The following SNX25 variants were observed in gnomAD, a reference collection of about 807,000 sequenced individuals.
SNX25 encodes the protein sorting nexin-25.
In SNX25, 62 loss-of-function variants were observed where a neutral mutation model predicts 113.7. That is an observed-to-expected ratio of 0.55 (90% CI 0.44 to 0.67). The LOEUF is 0.67. Among genes scored for constraint, SNX25 ranks in the 30% least tolerant of loss-of-function variants. SNX25 has a pLI of 0.00. For synonymous variants in SNX25, 421 were observed against 436.2 expected (o/e 0.97, Z 0.43); for missense variants, 1,014 against 1,161.0 (o/e 0.87, Z 1.84).
intron 6 of SNX25, among the ~76,000 whole-genome samples, chr4:185,300,318 C>T (rs944775703): frequency 1.3e-5 from 2 of 151,704 alleles, no homozygotes; most frequent in Admixed American, 1.3e-4. Context: ...GCCCCCACAC[C>T]CAGCTATTTT....
intron 1 of SNX25, among the ~76,000 whole-genome samples, chr4:185,245,563 T>C (rs181350584): frequency 7.1e-4 from 108 of 152,170 alleles, no homozygotes; most frequent in Admixed American, 2.9e-3. Context: ...GGACTCAAAC[T>C]CCTGACCTCA....
intron 1 of SNX25, among the ~76,000 whole-genome samples, chr4:185,221,820 C>T (rs894798363): frequency 2.1e-4 from 32 of 152,094 alleles, no homozygotes; most frequent in African/African-American, 7.0e-4. Flanking sequence ...CTGCTGCCCC[C>T]TTTATCTAGT....
At chr4:185,269,398 G>GC (rs763193845) in intron 5 of SNX25, among the ~76,000 whole-genome samples, 3 of 152,146 alleles carry the variant, frequency 2.0e-5, no homozygotes, top group Non-Finnish European at 2.9e-5. Context: ...TGATGACTAT[G>GC]CCCCACAACG....
chr4:185,376,932 G>T, the SNX25 span: 2 of 1,612,896 alleles, frequency 1.2e-6, no homozygotes, highest in Non-Finnish European at 1.7e-6. Flanking sequence ...AGTTGACCTC[G>T]TAGGAAATAT....
chr4:185,229,122 T>C (rs1035324443), intron 1 of SNX25, among the ~76,000 whole-genome samples: 4 of 151,870 alleles, frequency 2.6e-5, no homozygotes, highest in African/African-American at 9.7e-5. Flanking sequence ...GTGGAATTTT[T>C]GTAGGTGGAA....
chr4:185,369,748 A>G (rs982862616), intron 11 of SNX25: 3 of 446,062 alleles, frequency 6.7e-6, no homozygotes, highest in African/African-American at 6.0e-5. Flanking sequence ...GGAATCCCAC[A>G]GGGAACTTCA....
Position 185,209,640 on chromosome 4 carries a change from A to G in SNX25, c.-187A>G. On this transcript the variant is annotated 5_prime_UTR_variant, in exon 1 of 19. Coordinates refer to ENST00000652585, the MANE Select transcript of SNX25 (RefSeq NM_001378034.2). The surrounding 1 kb of genome is among the most constrained non-coding windows in gnomAD (Gnocchi z 5.2). ...GCTCCCTGGCTGCGCCCGGCCCGGCAGCTACGGGCCCAGCGCCTGGTGGCG... is the reference window on the plus strand; with the variant it reads ...GCTCCCTGGCTGCGCCCGGCCCGGCGGCTACGGGCCCAGCGCCTGGTGGCG... The G allele has an allele frequency of 4.4e-6, 3 of 679,100 alleles. No individual in the cohort carries two copies. Among genetic ancestry groups the G allele is most frequent in the Non-Finnish European group, 5.5e-6 (3 of 550,104 alleles). 42.1% of individuals were successfully genotyped at this position (679,100 alleles called of 1,614,324 possible).
downstream of SNX25, among the ~76,000 whole-genome samples, chr4:185,371,460 T>G (rs895811730): frequency 1.4e-5 from 2 of 144,772 alleles, no homozygotes; most frequent in South Asian, 2.2e-4. Flanking sequence ...GAGAATGGCG[T>G]GAACCCGGAA....
chr4:185,260,350 G>A (rs1278194903), intron 3 of SNX25, among the ~76,000 whole-genome samples: 1 of 152,058 alleles, frequency 6.6e-6, no homozygotes, highest in Non-Finnish European at 1.5e-5. Context: ...ATTTCTATGG[G>A]TTCTATCTAG....
intron 5 of SNX25, among the ~76,000 whole-genome samples, chr4:185,273,787 G>A (rs975492426): frequency 2.0e-5 from 3 of 152,136 alleles, no homozygotes; most frequent in Non-Finnish European, 2.9e-5. Context: ...ATTTTATTTA[G>A]CACAGTGTCC....
intron 5 of SNX25, among the ~76,000 whole-genome samples, chr4:185,270,079 C>CAAAA (rs35691426): frequency 8.1e-6 from 1 of 123,466 alleles, no homozygotes. Flanking sequence ...AGAAGTAGCT[C>CAAAA]AAAAAAAAAA....
intron 1 of SNX25, among the ~76,000 whole-genome samples, chr4:185,211,967 G>C (rs1454050476): frequency 6.6e-6 from 1 of 152,176 alleles, no homozygotes; most frequent in Non-Finnish European, 1.5e-5. Flanking sequence ...TTTAGTAGAG[G>C]AGTTGGAGAA....
intron 7 of SNX25, among the ~76,000 whole-genome samples, chr4:185,311,768 A>G (rs771797199): frequency 2.0e-5 from 3 of 152,072 alleles, no homozygotes; most frequent in Non-Finnish European, 2.9e-5. Context: ...TCCCTATTCC[A>G]GTGATCAGCC....
chr4:185,302,182 C>T (rs1288561), intron 6 of SNX25, among the ~76,000 whole-genome samples: 63,508 of 150,912 alleles, frequency 0.42, 13,528 homozygotes, highest in East Asian at 0.54. Context: ...GTGATCCACC[C>T]GCCTTGGCCT....
intron 5 of SNX25, among the ~76,000 whole-genome samples, chr4:185,285,172 G>A (rs954364549): frequency 6.6e-6 from 1 of 152,050 alleles, no homozygotes; most frequent in African/African-American, 2.4e-5. Context: ...ATACATATCT[G>A]CAATCATAAA....
chr4:185,243,466 C>G (rs887031108), intron 1 of SNX25, among the ~76,000 whole-genome samples: 1 of 151,944 alleles, frequency 6.6e-6, no homozygotes, highest in African/African-American at 2.4e-5. Context: ...TAAAACATAG[C>G]GGGACACACA....
intron 1 of SNX25, among the ~76,000 whole-genome samples, chr4:185,226,153 C>T (rs2126382869): frequency 6.6e-6 from 1 of 152,318 alleles, no homozygotes; most frequent in South Asian, 2.1e-4. Flanking sequence ...TGAAAATTCA[C>T]CGAGTTGGCA....
At chr4:185,326,432 A>T (rs1179423948) in intron 9 of SNX25, among the ~76,000 whole-genome samples, 1 of 152,200 alleles carries the variant, frequency 6.6e-6, no homozygotes, top group Non-Finnish European at 1.5e-5. Context: ...TCTAAAGAGG[A>T]CCAAAACAAG....
intron 5 of SNX25, among the ~76,000 whole-genome samples, chr4:185,285,929 T>C (rs1006041364): frequency 2.2e-4 from 32 of 144,402 alleles, no homozygotes; most frequent in Admixed American, 1.4e-4. Flanking sequence ...TGCGCCACCA[T>C]GCCCAGCTAA....
Sources: gnomAD v4.1 joint callset for allele counts (sites outside exome capture counted in the v4.1 genomes callset) on GRCh38, gnomAD v4.1.1 for gene constraint, Gnocchi (gnomAD v3.1) non-coding constraint, MANE v1.5 for transcripts, NCBI Gene and HGNC (gene_info 2026-07-23, HGNC 2026-07-21) for gene names.